Variants in DDX52 observed in about 807,000 individuals in gnomAD.
DDX52 encodes the protein probable ATP-dependent RNA helicase DDX52.
A neutral mutation model predicts 76.1 loss-of-function variants in DDX52; 59 were observed. That is an observed-to-expected ratio of 0.78 (90% CI 0.63 to 0.96). DDX52 has a LOEUF of 0.96. Ranked by LOEUF, DDX52 falls within the 40% of genes least tolerant of loss-of-function variation. DDX52 has a pLI of 0.00. For synonymous variants in DDX52, 231 were observed against 244.1 expected (o/e 0.95, Z 0.50); for missense variants, 707 against 703.9 (o/e 1.00, Z -0.05).
chr17:37,635,927 T>C (rs1483444113), intron 2 of DDX52, among the ~76,000 whole-genome samples: 1 of 152,208 alleles, frequency 6.6e-6, no homozygotes, highest in African/African-American at 2.4e-5. Flanking sequence ...TGGTTTTAAT[T>C]TGCCTGATGG....
chr17:37,613,680 TAA>T lies in DDX52; in HGVS notation c.*614_*615del, dbSNP rs1397117107. Reference sequence around the variant, plus strand: ...TCAACAAATTAGGAAATATTAAAATTAAGAGAGCAGCAGGTTTCTTCTTGGTA... The same window carrying T: ...TCAACAAATTAGGAAATATTAAAATTGAGAGCAGCAGGTTTCTTCTTGGTA... On this transcript the variant is annotated 3_prime_UTR_variant, in exon 15 of 15. Transcript: ENST00000617633. The T allele has an allele frequency of 1.3e-5, 2 of 152,584 alleles. No homozygotes were observed. Among genetic ancestry groups the T allele is most frequent in the Non-Finnish European group, 2.9e-5 (2 of 68,044 alleles). 9.5% of individuals were successfully genotyped at this position (152,584 alleles called of 1,614,324 possible). A position where few individuals can be genotyped will look rare whatever the true frequency, so the allele number is the denominator to read the frequency against.
chr17:37,625,978 C>CATAG lies in DDX52; in HGVS notation c.1049_1052dup (p.Met351IlefsTer10), dbSNP rs1184548181. ...CATCATATGCAAAAGTTGCACTGAA[C>CATAG]ATAGCTCTTCGGACCTTGTGGGATG... On this transcript the variant is annotated frameshift_variant, in exon 8 of 15. Coordinates refer to ENST00000617633, the MANE Select transcript of DDX52 (RefSeq NM_007010.5). LOFTEE classifies it high-confidence loss of function. 1.2e-6 allele frequency: 2 copies of CATAG among 1,614,078 alleles called. No homozygotes were observed. The highest frequency in any genetic ancestry group is 2.7e-5 in the African/African-American group (2 of 74,912).
rs1025549686 is a variant in DDX52 at position 37,626,273 on chromosome 17, G to T, written c.933-175C>A. 7.9e-5 allele frequency among the ~76,000 whole-genome samples: 12 copies of T among 152,142 alleles called. No homozygotes were observed. The East Asian group carries it at 2.3e-3, about 29-fold the overall frequency. ...CACAAGCAGGTGTCATGGTTTGGCT[G>T]TGTATCCCCACCCAAATCTCATCTC... On this transcript the variant is annotated intron_variant, in intron 7 of 14. Coordinates refer to ENST00000617633, the MANE Select transcript of DDX52 (RefSeq NM_007010.5).
chr17:37,636,318 G>A (rs977685653), intron 2 of DDX52, among the ~76,000 whole-genome samples: 7 of 152,084 alleles, frequency 4.6e-5, no homozygotes, highest in African/African-American at 1.4e-4. Context: ...GATCCAGTCC[G>A]TTTGTCGAAA....
chr17:37,639,445 G>C, intron 2 of DDX52: 1 of 993,846 alleles, frequency 1.0e-6, no homozygotes, highest in African/African-American at 1.7e-5. Flanking sequence ...GTTAAAAATA[G>C]ATACATGCCT....
intron 2 of DDX52, 21 bp from the exon 3 acceptor site, chr17:37,633,439 G>C: frequency 2.0e-6 from 3 of 1,530,362 alleles, no homozygotes; most frequent in East Asian, 2.4e-5. Context: ...TTTTTAAAAA[G>C]TAAAAGATTT....
At position 37,628,564 on chromosome 17, in the gene DDX52, A is replaced by T. The variant is rs1346276492; in HGVS notation, c.856T>A (p.Phe286Ile). ...ATCCCATGTATGAATTCCTTACCAAACTTTTTAGATGATTTAGGTCCAAAT... is the reference window on the plus strand; with the variant it reads ...ATCCCATGTATGAATTCCTTACCAATCTTTTTAGATGATTTAGGTCCAAAT... ...KKFGPKSSKK[F>I]DILVTTPNRL... The change falls in exon 6 of 15, where the codon TTT (phenylalanine) becomes ATT (isoleucine). Residue 286 changes from phenylalanine to isoleucine, a missense_variant. Physicochemically the swap from Phe to Ile is conservative, Grantham distance 21. Coordinates refer to ENST00000617633, the MANE Select transcript of DDX52 (RefSeq NM_007010.5). The T allele has an allele frequency of 6.2e-7, 1 of 1,611,152 alleles. No homozygotes were observed. Among genetic ancestry groups the T allele is most frequent in the Non-Finnish European group, 8.5e-7 (1 of 1,178,902 alleles).
intron 2 of DDX52, among the ~76,000 whole-genome samples, chr17:37,636,349 A>G (rs2030927106): frequency 6.6e-6 from 1 of 152,176 alleles, no homozygotes; most frequent in African/African-American, 2.4e-5. Flanking sequence ...TTCCCCGCTG[A>G]ATTACCTTAT....
intron 12 of DDX52, chr17:37,620,645 C>A: frequency 2.4e-6 from 1 of 420,420 alleles, no homozygotes; most frequent in Non-Finnish European, 4.2e-6. Context: ...CTGAAACTTA[C>A]AATGAACATT....
At chr17:37,633,229 C>A (rs898502888) in intron 3 of DDX52, 59 bp downstream of exon 3, 1 of 1,487,642 alleles carries the variant, frequency 6.7e-7, no homozygotes, top group Admixed American at 2.2e-5. Flanking sequence ...CCAAATCCAG[C>A]GAATAAGTCA....
At position 37,619,814 on chromosome 17, in the gene DDX52, C is replaced by T. The variant is rs1423734030; in HGVS notation, c.1603G>A (p.Gly535Arg). The change falls in exon 13 of 15, where the codon GGG becomes AGG. Residue 535 changes from glycine to arginine, a missense_variant. Coordinates refer to ENST00000617633, the MANE Select transcript of DDX52 (RefSeq NM_007010.5). The part of the protein sequence containing the change: ...RSVANVIQQA[G>R]CPVPEYIKGF... ...TTTATGTATTCTGGTACAGGACACCCAGCCTGCTGTATAACATTAGCAACG... is the reference window on the plus strand; with the variant it reads ...TTTATGTATTCTGGTACAGGACACCTAGCCTGCTGTATAACATTAGCAACG... 1 of 1,613,942 alleles carries T rather than the reference C, an allele frequency of 6.2e-7. No homozygotes were observed. The highest frequency in any genetic ancestry group is 1.1e-5 in the South Asian group (1 of 91,070).
chr17:37,641,833 C>T (rs1417578669), intron 2 of DDX52, among the ~76,000 whole-genome samples: 2 of 152,132 alleles, frequency 1.3e-5, no homozygotes, highest in Non-Finnish European at 2.9e-5. Context: ...TAGTATTTTT[C>T]AGAGAAAGGG....
Position 37,632,260 on chromosome 17 carries a change from T to C in DDX52, c.456A>G (p.Gln152=). 3 of 1,614,094 alleles carry C rather than the reference T, an allele frequency of 1.9e-6. No individual in the cohort carries two copies. Among genetic ancestry groups the C allele is most frequent in the Non-Finnish European group, 2.5e-6 (3 of 1,180,016 alleles). Residue 152 remains glutamine, a synonymous_variant, in exon 4 of 15, where the codon CAA becomes CAG. Transcript: ENST00000617633. ...CAATTGGGTCAGGAAGATCGGTTCC[T>C]TGGACGTGAATTTTGTGTTTATTCC... ...FLRNKHKIHV[Q]GTDLPDPIAT... is the part of the protein sequence containing the mutation.
intron 9 of DDX52, 47 bp from the exon 10 acceptor site, chr17:37,621,567 A>G (rs973208736): frequency 6.4e-7 from 1 of 1,558,274 alleles, no homozygotes; most frequent in Non-Finnish European, 8.6e-7. Context: ...CAAGAATACA[A>G]TTGGTCATTA....
At chr17:37,635,476 T>G (rs1043367741) in intron 2 of DDX52, 1 of 392,034 alleles carries the variant, frequency 2.6e-6, no homozygotes, top group Non-Finnish European at 5.1e-6. Flanking sequence ...TATGTACTAA[T>G]TTTTGTCTGG....
At chr17:37,634,355 G>A (rs1403821725) in intron 2 of DDX52, among the ~76,000 whole-genome samples, 1 of 152,030 alleles carries the variant, frequency 6.6e-6, no homozygotes, top group Non-Finnish European at 1.5e-5. Context: ...TGAACGGCCA[G>A]GTGCGGTGGC....
At position 37,642,261 on chromosome 17, in the gene DDX52, T is replaced by C. The variant is rs1377877209; in HGVS notation, c.135A>G (p.Gly45=). The C allele has an allele frequency of 6.2e-7, 1 of 1,614,102 alleles. No homozygotes were observed. Among genetic ancestry groups the C allele is most frequent in the Non-Finnish European group, 8.5e-7 (1 of 1,180,020 alleles). ...YDFDSSEVLQ[G]LDFFGNKKSV... is the part of the protein sequence containing the mutation. ...ACTTCTTGTTTCCAAAAAAGTCCAG[T>C]CCCTGAAGCACCTCCGAAGAATCAA... The change falls in exon 2 of 15, where the codon GGA becomes GGG. Residue 45 remains glycine (G), a synonymous_variant. Coordinates refer to ENST00000617633, the MANE Select transcript of DDX52 (RefSeq NM_007010.5).
intron 8 of DDX52, 121 bp downstream of exon 8, chr17:37,625,774 A>C (rs2030334554): frequency 2.9e-6 from 3 of 1,052,524 alleles, no homozygotes; most frequent in Admixed American, 5.1e-5. Flanking sequence ...AACACATTTC[A>C]ATCAGTAAAA....
intron 12 of DDX52, 29 bp downstream of exon 12, chr17:37,620,844 A>G (rs781098857): frequency 2.5e-6 from 4 of 1,571,444 alleles, no homozygotes; most frequent in South Asian, 2.4e-5. Context: ...AATTTTGCCA[A>G]TAACACTAGG....
Sources: allele counts gnomAD v4.1 joint callset (sites outside exome capture counted in the v4.1 genomes callset), GRCh38; gene constraint gnomAD v4.1.1; transcripts MANE v1.5; gene names NCBI Gene and HGNC (gene_info 2026-07-23, HGNC 2026-07-21).